The following AGBL4 variants were observed in gnomAD, a reference collection of about 807,000 sequenced individuals.
AGBL4 encodes the protein AGBL carboxypeptidase 4.
In AGBL4, 58 loss-of-function variants were observed where a neutral mutation model predicts 66.4. The observed-to-expected ratio is 0.87, with a 90% CI of 0.71 to 1.09. The LOEUF (loss-of-function observed/expected upper bound fraction) is 1.09. Ranked by LOEUF, AGBL4 falls within the 50% of genes least tolerant of loss-of-function variation. The pLI, the probability that AGBL4 is intolerant of heterozygous loss-of-function variation, is 0.00. For synonymous variants in AGBL4, 234 were observed against 222.9 expected, an observed-to-expected ratio of 1.05 and a Z score of -0.44; for missense variants, 579 against 631.0, an observed-to-expected ratio of 0.92 and a Z score of 0.88.
intron 3 of AGBL4, among the ~76,000 whole-genome samples, chr1:49,444,590 C>A (rs1646110972): frequency 6.6e-6 from 1 of 151,722 alleles, no homozygotes; most frequent in Non-Finnish European, 1.5e-5. Context: ...ACAAGTATTG[C>A]TACTCCTGCT....
Position 49,414,523 on chromosome 1 carries a change from C to T in AGBL4, c.283-168659G>A, listed in dbSNP as rs115277659. On this transcript the variant is annotated intron_variant, in intron 3 of 13. Coordinates refer to ENST00000371839, the MANE Select transcript of AGBL4 (RefSeq NM_032785.4). ...GACACCGGTTTTGAGAGAATTACTA[C>T]ATCTGTCAATGGTTATATGCAATGA... is the stretch of plus-strand genomic sequence containing the variant. 6.1e-3 allele frequency among the ~76,000 whole-genome samples: 929 copies of T among 152,248 alleles called. 10 individuals carry two copies. Among genetic ancestry groups the T allele is most frequent in the African/African-American group, 0.021 (868 of 41,546 alleles).
intron 8 of AGBL4, among the ~76,000 whole-genome samples, chr1:48,638,588 G>A (rs372943008): frequency 6.6e-6 from 1 of 152,228 alleles, no homozygotes. Context: ...CCAGGAAGTA[G>A]AGGAGGATTT....
At position 49,280,851 on chromosome 1, in the gene AGBL4, G is replaced by C. The variant is rs1483795364; in HGVS notation, c.283-34987C>G. The stretch of plus-strand genomic sequence containing the variant: ...CTTCAAATACTTTACATTTTAGTGG[G>C]GGAGATAAATAAAAAACCAGTAAAT... On this transcript the variant is annotated intron_variant, in intron 3 of 13. Coordinates refer to ENST00000371839, the MANE Select transcript of AGBL4 (RefSeq NM_032785.4). Among the ~76,000 whole-genome samples, 3 of 152,198 alleles carry C rather than the reference G, an allele frequency of 2.0e-5. No individual in the cohort carries two copies. In the East Asian group the frequency reaches 5.8e-4, roughly 29 times the overall value.
At chr1:48,647,736 G>C (rs1388275979) in intron 8 of AGBL4, 13 of 337,236 alleles carry the variant, frequency 3.9e-5, no homozygotes, top group Non-Finnish European at 7.7e-5. Flanking sequence ...GGTGGGCGTG[G>C]GGGCTTTCTT....
intron 5 of AGBL4, among the ~76,000 whole-genome samples, chr1:48,981,397 CATT>C (rs1433961383): frequency 6.6e-6 from 1 of 152,030 alleles, no homozygotes; most frequent in Non-Finnish European, 1.5e-5. Context: ...ATAGGTTTGT[CATT>C]ATCCTCATTT....
chr1:48,646,283 A>G (rs1037168131), intron 8 of AGBL4, among the ~76,000 whole-genome samples: 25 of 152,156 alleles, frequency 1.6e-4, no homozygotes, highest in African/African-American at 6.0e-4. Context: ...GCTCAGAGTG[A>G]TGACGGGCTG....
At chr1:49,023,356 G>T (rs1212944879) in intron 5 of AGBL4, among the ~76,000 whole-genome samples, 1 of 152,120 alleles carries the variant, frequency 6.6e-6, no homozygotes, top group Admixed American at 6.6e-5. Context: ...GAATCAGGGG[G>T]TACTGGAGAT....
chr1:49,725,691 T>G (rs1648972326), intron 2 of AGBL4, among the ~76,000 whole-genome samples: 1 of 147,644 alleles, frequency 6.8e-6, no homozygotes, highest in Non-Finnish European at 1.5e-5. Flanking sequence ...GGTTTTTTTT[T>G]TTTTTTTTTT....
chr1:48,696,811 G>A (rs1351302538), intron 6 of AGBL4, among the ~76,000 whole-genome samples: 2 of 152,198 alleles, frequency 1.3e-5, no homozygotes, highest in African/African-American at 4.8e-5. Context: ...GTGAAAATGA[G>A]AGGTAGTTGT....
At chr1:49,354,576 T>TATC (rs1463651386) in intron 3 of AGBL4, among the ~76,000 whole-genome samples, 3 of 152,210 alleles carry the variant, frequency 2.0e-5, no homozygotes, top group Non-Finnish European at 4.4e-5. Flanking sequence ...TGAATTTAAA[T>TATC]ATCATCTCCA....
chr1:49,932,505 T>A (rs1653472948), intron 1 of AGBL4, among the ~76,000 whole-genome samples: 1 of 152,060 alleles, frequency 6.6e-6, no homozygotes, highest in East Asian at 1.9e-4. Context: ...ATTGATAAAC[T>A]GGACTTAATC....
chr1:48,807,235 G>A (rs904651113), intron 6 of AGBL4, among the ~76,000 whole-genome samples: 2 of 152,134 alleles, frequency 1.3e-5, no homozygotes, highest in African/African-American at 4.8e-5. Flanking sequence ...TGACTGTGAT[G>A]GATTCATCTC....
chr1:49,920,323 T>A (rs957175539), intron 1 of AGBL4, among the ~76,000 whole-genome samples: 1 of 151,894 alleles, frequency 6.6e-6, no homozygotes, highest in African/African-American at 2.4e-5. Context: ...TGGGAGAAAA[T>A]TTTTGCAATC....
intron 3 of AGBL4, among the ~76,000 whole-genome samples, chr1:49,339,498 G>T (rs745830879): frequency 2.6e-5 from 4 of 152,134 alleles, no homozygotes; most frequent in Non-Finnish European, 5.9e-5. Context: ...AGAAAATGTT[G>T]ATCACAAGCA....
chr1:49,951,644 A>C (rs1354205003), intron 1 of AGBL4, among the ~76,000 whole-genome samples: 2 of 151,960 alleles, frequency 1.3e-5, no homozygotes, highest in African/African-American at 4.8e-5. Context: ...TTACTACGGC[A>C]TACGTATTCC....
chr1:48,705,198 T>C (rs111482577), intron 6 of AGBL4, among the ~76,000 whole-genome samples: 3,052 of 152,232 alleles, frequency 0.02, 96 homozygotes, highest in African/African-American at 0.069. Flanking sequence ...TAAACTTCTA[T>C]ATTAATTTTA....
chr1:49,709,633 C>T (rs778408192), intron 2 of AGBL4, among the ~76,000 whole-genome samples: 4 of 152,058 alleles, frequency 2.6e-5, no homozygotes, highest in Non-Finnish European at 4.4e-5. Context: ...AGCTTCTGTA[C>T]GGCAAAAGAA....
chr1:49,637,538 G>A (rs1424873480), intron 3 of AGBL4, among the ~76,000 whole-genome samples: 1 of 151,988 alleles, frequency 6.6e-6, no homozygotes, highest in Non-Finnish European at 1.5e-5. Context: ...ACTGACCTCA[G>A]GCGATCTGCA....
intron 6 of AGBL4, among the ~76,000 whole-genome samples, chr1:48,671,801 A>G (rs1646281381): frequency 6.6e-6 from 1 of 152,232 alleles, no homozygotes; most frequent in African/African-American, 2.4e-5. Context: ...CCTGGCACAC[A>G]TGATGTTCTC....
Sources: gnomAD v4.1 joint callset for allele counts (sites outside exome capture counted in the v4.1 genomes callset) on GRCh38, gnomAD v4.1.1 for gene constraint, MANE v1.5 for transcripts, NCBI Gene and HGNC (gene_info 2026-07-23, HGNC 2026-07-21) for gene names.